The following CAPZB variants were observed in gnomAD, a reference collection of about 807,000 sequenced individuals.
The protein encoded by CAPZB is capping actin protein of muscle Z-line subunit beta.
In CAPZB, 2 loss-of-function variants were observed where a neutral mutation model predicts 38.1. The ratio of observed to expected loss-of-function variants is 0.05; its 90% CI spans 0.02 to 0.17. The LOEUF is 0.17. CAPZB is among the 10% of genes least tolerant of loss of function. The pLI, the probability that CAPZB is intolerant of heterozygous loss-of-function variation, is 1.00. For missense variants in CAPZB, 161 were observed against 334.2 expected, an observed-to-expected ratio of 0.48 and a Z score of 4.04; for synonymous variants, 107 against 127.4, an observed-to-expected ratio of 0.84 and a Z score of 1.08.
At chr1:19,452,186 G>T (rs563874715) in intron 1 of CAPZB, among the ~76,000 whole-genome samples, 1 of 151,612 alleles carries the variant, frequency 6.6e-6, no homozygotes, top group Non-Finnish European at 1.5e-5. Context: ...TCCTGCCCCC[G>T]ACTCAGCTCC....
At chr1:19,447,808 T>C (rs991382403) in intron 1 of CAPZB, among the ~76,000 whole-genome samples, 2 of 152,174 alleles carry the variant, frequency 1.3e-5, no homozygotes, top group Non-Finnish European at 2.9e-5. Flanking sequence ...CTCGGTGGCC[T>C]TGCCAGAATG....
chr1:19,401,449 T>C (rs2094302901), intron 2 of CAPZB, among the ~76,000 whole-genome samples: 2 of 152,106 alleles, frequency 1.3e-5, no homozygotes, highest in African/African-American at 4.8e-5. Flanking sequence ...TGGAAACCAA[T>C]GGGTGATCAA....
chr1:19,439,547 C>T (rs1029787586), intron 1 of CAPZB, among the ~76,000 whole-genome samples: 2 of 152,224 alleles, frequency 1.3e-5, no homozygotes, highest in Non-Finnish European at 2.9e-5. Context: ...CTGTGTCACG[C>T]GGTGCTGGCT....
chr1:19,455,228 GC>G (rs932365130), intron 1 of CAPZB, among the ~76,000 whole-genome samples: 8 of 152,206 alleles, frequency 5.3e-5, no homozygotes, highest in African/African-American at 1.9e-4. Flanking sequence ...AATATGAAAG[GC>G]CTGGCTGTGC....
At chr1:19,385,930 T>C (rs2094201682) in intron 2 of CAPZB, 1 of 456,722 alleles carries the variant, frequency 2.2e-6, no homozygotes, top group South Asian at 1.9e-5. Flanking sequence ...TAAGTGTGTA[T>C]GTGCTTGGTA....
intron 1 of CAPZB, among the ~76,000 whole-genome samples, chr1:19,427,334 TTCA>T (rs1413600201): frequency 6.6e-6 from 1 of 152,204 alleles, no homozygotes; most frequent in Non-Finnish European, 1.5e-5. Context: ...TGTTCTTAAG[TTCA>T]TCAAGACCTT....
At chr1:19,442,351 C>G (rs7519931) in intron 1 of CAPZB, among the ~76,000 whole-genome samples, 1 of 151,880 alleles carries the variant, frequency 6.6e-6, no homozygotes, top group African/African-American at 2.4e-5. Context: ...AGTGGGGGGG[C>G]GTGGAGTGAG....
In CAPZB at chr1:19,345,173, C is replaced by T. The variant is rs750171690; in HGVS notation, c.654+14G>A. On this transcript the variant is annotated intron_variant, in intron 7 of 8. Transcript: ENST00000264202. ...GGGTCACTGCAGGAGCCAGCCAGAGCCCAGGTCACTCACCTCTACCAGGCG... is the reference window on the plus strand; with the variant it reads ...GGGTCACTGCAGGAGCCAGCCAGAGTCCAGGTCACTCACCTCTACCAGGCG... 95 of 1,610,828 alleles carry T rather than the reference C, an allele frequency of 5.9e-5. No individual in the cohort carries two copies. The highest frequency in any genetic ancestry group is 7.9e-5 in the Non-Finnish European group (93 of 1,177,268).
chr1:19,453,462 T>C (rs2094523238), intron 1 of CAPZB, among the ~76,000 whole-genome samples: 1 of 151,938 alleles, frequency 6.6e-6, no homozygotes, highest in Non-Finnish European at 1.5e-5. Flanking sequence ...CGTTTCACCA[T>C]GTTGGCCAGG....
chr1:19,350,156 C>T (rs982442910), intron 6 of CAPZB, among the ~76,000 whole-genome samples: 1 of 152,264 alleles, frequency 6.6e-6, no homozygotes, highest in Non-Finnish European at 1.5e-5. Context: ...ATGTATTACA[C>T]CTCCCACTGC....
chr1:19,433,744 A>C (rs1266159016), intron 1 of CAPZB, among the ~76,000 whole-genome samples: 1 of 152,220 alleles, frequency 6.6e-6, no homozygotes, highest in Non-Finnish European at 1.5e-5. Flanking sequence ...TTGATCCAAC[A>C]AACCACTTGG....
intron 2 of CAPZB, among the ~76,000 whole-genome samples, chr1:19,392,303 T>C (rs764771489): frequency 1.3e-5 from 2 of 151,066 alleles, no homozygotes; most frequent in Admixed American, 6.6e-5. Context: ...ATGTGAATAA[T>C]GACCAAGGAG....
At chr1:19,362,795 T>A (rs2094060592) in intron 4 of CAPZB, among the ~76,000 whole-genome samples, 1 of 152,026 alleles carries the variant, frequency 6.6e-6, no homozygotes, top group Non-Finnish European at 1.5e-5. Context: ...CTGAATGACA[T>A]GCTCAAATCA....
intron 1 of CAPZB, among the ~76,000 whole-genome samples, chr1:19,458,911 CTCCTTT>C (rs971599082): frequency 3.3e-5 from 5 of 152,246 alleles, no homozygotes; most frequent in African/African-American, 1.2e-4. Flanking sequence ...AGGCAGGCTT[CTCCTTT>C]TTAACTACTA....
chr1:19,419,381 G>T (rs936209131), intron 2 of CAPZB, among the ~76,000 whole-genome samples: 4 of 152,176 alleles, frequency 2.6e-5, no homozygotes, highest in Admixed American at 1.3e-4. Flanking sequence ...CTAAATGCAA[G>T]CTTCTAGAAA....
At chr1:19,352,708 A>T (rs1195757233) in intron 6 of CAPZB, among the ~76,000 whole-genome samples, 2 of 152,222 alleles carry the variant, frequency 1.3e-5, no homozygotes, top group African/African-American at 2.4e-5. Flanking sequence ...CGACAGCCTC[A>T]CTGCTGCGGG....
At chr1:19,354,831 C>T (rs944243186) in intron 6 of CAPZB, among the ~76,000 whole-genome samples, 3 of 152,230 alleles carry the variant, frequency 2.0e-5, no homozygotes, top group African/African-American at 7.2e-5. Context: ...TTTCCACCCA[C>T]TCCCCAGGTG....
intron 3 of CAPZB, among the ~76,000 whole-genome samples, chr1:19,380,502 T>G (rs2094168404): frequency 6.6e-6 from 1 of 152,322 alleles, no homozygotes; most frequent in East Asian, 1.9e-4. Flanking sequence ...CCGCCCACAA[T>G]CGATGCCTCA....
chr1:19,394,435 C>T (rs752349668), intron 2 of CAPZB, among the ~76,000 whole-genome samples: 1 of 152,078 alleles, frequency 6.6e-6, no homozygotes, highest in African/African-American at 2.4e-5. Flanking sequence ...AAAACGCAAG[C>T]GATGGCTGGG....
Sources: allele counts gnomAD v4.1 joint callset (sites outside exome capture counted in the v4.1 genomes callset), GRCh38; gene constraint gnomAD v4.1.1; transcripts MANE v1.5; gene names NCBI Gene and HGNC (gene_info 2026-07-23, HGNC 2026-07-21).